Variants in GCNT2 observed in about 807,000 individuals in gnomAD.
GCNT2 encodes N-acetyllactosaminide beta-1,6-N-acetylglucosaminyl-transferase.
A neutral mutation model predicts 34.2 loss-of-function variants in GCNT2; 34 were observed. The observed-to-expected ratio is 1.00, with a 90% CI of 0.76 to 1.32. The LOEUF (loss-of-function observed/expected upper bound fraction) is 1.32. Among genes scored for constraint, GCNT2 ranks in the 40% most tolerant of loss-of-function variants. The pLI is 0.00. For synonymous variants in GCNT2, 212 were observed against 188.0 expected (o/e 1.13, Z -1.04); for missense variants, 584 against 489.4 (o/e 1.19, Z -1.82).
intron 4 of GCNT2, among the ~76,000 whole-genome samples, chr6:10,623,251 G>T (rs890523240): frequency 1.4e-5 from 2 of 142,708 alleles, no homozygotes; most frequent in African/African-American, 5.2e-5. Context: ...TAATCAGCCT[G>T]TATTTTCTCC....
At chr6:10,542,984 T>A (rs1344154301) in intron 3 of GCNT2, among the ~76,000 whole-genome samples, 1 of 148,716 alleles carries the variant, frequency 6.7e-6, no homozygotes, top group African/African-American at 2.5e-5. Flanking sequence ...CTCGGCTCAC[T>A]GCAACCTCCA....
intron 3 of GCNT2, among the ~76,000 whole-genome samples, chr6:10,589,308 TG>T (rs1339020417): frequency 1.7e-5 from 2 of 119,098 alleles, no homozygotes; most frequent in East Asian, 4.0e-4. Context: ...TAGTGTGTGG[TG>T]TGTTTGTAGT....
At chr6:10,574,742 C>A in intron 3 of GCNT2, 2 of 545,206 alleles carry the variant, frequency 3.7e-6, no homozygotes, top group Non-Finnish European at 7.0e-6. Context: ...TTTTTTAACA[C>A]CTATGATGCC....
chr6:10,580,274 G>GGGGTGT (rs1764013905), intron 3 of GCNT2, among the ~76,000 whole-genome samples: 1 of 150,982 alleles, frequency 6.6e-6, no homozygotes, highest in African/African-American at 2.5e-5. Context: ...AGGGGTCAGG[G>GGGGTGT]GGGTGGGGAG....
intron 3 of GCNT2, among the ~76,000 whole-genome samples, chr6:10,543,845 G>A (rs1247044987): frequency 1.3e-5 from 2 of 152,126 alleles, no homozygotes; most frequent in Non-Finnish European, 2.9e-5. Context: ...GCCCAAGGAC[G>A]CCCAGCTAGT....
chr6:10,546,858 G>A (rs1050451290), intron 3 of GCNT2, among the ~76,000 whole-genome samples: 2 of 151,958 alleles, frequency 1.3e-5, no homozygotes, highest in Admixed American at 6.6e-5. Context: ...ATCCTTCTCT[G>A]TATTACATCT....
intron 3 of GCNT2, chr6:10,586,314 A>G: frequency 6.2e-7 from 1 of 1,614,168 alleles, no homozygotes; most frequent in Non-Finnish European, 8.5e-7. Flanking sequence ...GGACTTTGAC[A>G]CCTTTGAAAG....
At chr6:10,558,985 A>C (rs910069153) in intron 3 of GCNT2, among the ~76,000 whole-genome samples, 1 of 151,896 alleles carries the variant, frequency 6.6e-6, no homozygotes, top group Non-Finnish European at 1.5e-5. Flanking sequence ...CTTAAAATTC[A>C]TAAAAGTTGG....
chr6:10,616,375 G>A (rs1158137453), intron 3 of GCNT2, among the ~76,000 whole-genome samples: 1 of 152,192 alleles, frequency 6.6e-6, no homozygotes, highest in South Asian at 2.1e-4. Context: ...TCCACAGTGT[G>A]GAAAGCAACC....
rs115410550 is a variant in GCNT2, at chr6:10,542,458, A to G, written c.925+12622A>G. On this transcript the variant is annotated intron_variant, in intron 3 of 4. Coordinates refer to ENST00000495262, the MANE Select transcript of GCNT2 (RefSeq NM_145649.5). ...TTTTTAGTGCCTTTACAGTTATGCAACCATGATCCCCGGCTAATGTAGAAT... is the reference window on the plus strand; with the variant it reads ...TTTTTAGTGCCTTTACAGTTATGCAGCCATGATCCCCGGCTAATGTAGAAT... 9.9e-3 allele frequency among the ~76,000 whole-genome samples: 1,512 copies of G among 152,326 alleles called. 22 individuals are homozygous for G. Among genetic ancestry groups the G allele is most frequent in the African/African-American group, 0.035 (1,440 of 41,560 alleles).
chr6:10,585,870 C>G (rs1257676513), intron 3 of GCNT2: 6 of 1,540,958 alleles, frequency 3.9e-6, no homozygotes, highest in South Asian at 1.2e-5. Context: ...GGAAAGCAAG[C>G]AGCCCTCCGG....
chr6:10,590,589 C>T (rs536209817), intron 3 of GCNT2, among the ~76,000 whole-genome samples: 195 of 149,174 alleles, frequency 1.3e-3, no homozygotes, highest in Middle Eastern at 3.5e-3. Context: ...GAGTCTTGCT[C>T]TGTCGCCAGG....
intron 3 of GCNT2, chr6:10,586,137 A>G (rs769499513): frequency 1.2e-6 from 2 of 1,614,216 alleles, no homozygotes; most frequent in South Asian, 2.2e-5. Flanking sequence ...AACTGCCTGT[A>G]ATCACGCCTT....
At chr6:10,607,776 A>G (rs899716664) in intron 3 of GCNT2, among the ~76,000 whole-genome samples, 9 of 152,226 alleles carry the variant, frequency 5.9e-5, no homozygotes, top group Admixed American at 3.3e-4. Context: ...TAACAGCACT[A>G]TGTACCGAGC....
rs756621945 is a variant in GCNT2, at chr6:10,555,941, C to T, written c.925+26105C>T. 8.9e-6 allele frequency: 9 copies of T among 1,015,304 alleles called. No homozygotes were observed. In the South Asian group the frequency reaches 2.4e-4, roughly 27 times the overall value. 62.9% of individuals were successfully genotyped at this position (1,015,304 alleles called of 1,614,324 possible). On this transcript the variant is annotated intron_variant, in intron 3 of 4. Coordinates refer to ENST00000495262, the MANE Select transcript of GCNT2 (RefSeq NM_145649.5). The stretch of plus-strand genomic sequence containing the variant: ...AACAACAAGAGAGGGCAAGTCCAGC[C>T]GCCTGCTAGGGGACTAGCAGGAAGC...
At position 10,549,425 on chromosome 6, in the gene GCNT2, A is replaced by G. The variant is rs564086942; in HGVS notation, c.925+19589A>G. On this transcript the variant is annotated intron_variant, in intron 3 of 4. Coordinates refer to ENST00000495262, the MANE Select transcript of GCNT2 (RefSeq NM_145649.5). ...ATAGGTATGCTCAACTTTAGTAGAC[A>G]TTGTATTGTTGGTTTTTCAAAGTTG... 2.3e-4 allele frequency among the ~76,000 whole-genome samples: 35 copies of G among 152,222 alleles called. 1 individual carries two copies. In the South Asian group the frequency reaches 7.1e-3, roughly 31 times the overall value.
At chr6:10,553,507 A>C (rs1053903110) in intron 3 of GCNT2, among the ~76,000 whole-genome samples, 2 of 152,144 alleles carry the variant, frequency 1.3e-5, no homozygotes, top group South Asian at 4.2e-4. Flanking sequence ...TATTTTTTTA[A>C]TTCATTGAGA....
intron 3 of GCNT2, among the ~76,000 whole-genome samples, chr6:10,590,513 T>C (rs1764586466): frequency 6.6e-6 from 1 of 151,876 alleles, no homozygotes; most frequent in South Asian, 2.1e-4. Flanking sequence ...CCTCATACTT[T>C]ATGTTCCAGC....
intron 3 of GCNT2, chr6:10,619,107 A>G (rs775506257): frequency 1.3e-5 from 2 of 152,170 alleles, no homozygotes; most frequent in Non-Finnish European, 2.9e-5. Flanking sequence ...AATTCAATTA[A>G]ATTTCTTCAA....
Sources: gnomAD v4.1 joint callset for allele counts (sites outside exome capture counted in the v4.1 genomes callset) on GRCh38, gnomAD v4.1.1 for gene constraint, MANE v1.5 for transcripts, NCBI Gene and HGNC (gene_info 2026-07-23, HGNC 2026-07-21) for gene names.